Variants in NF1 observed in about 807,000 individuals in gnomAD.
NF1 encodes neurofibromin 1.
NF1 carries 122 observed loss-of-function variants against 325.7 expected under a neutral mutation model. That is an observed-to-expected ratio of 0.37 (90% CI 0.32 to 0.44). The LOEUF is 0.44. Among genes scored for constraint, NF1 ranks in the 20% least tolerant of loss-of-function variants. The probability of loss-of-function intolerance (pLI) is 1.00; values close to 1 mark genes in which losing one functional copy is unlikely to be tolerated. For synonymous variants in NF1, 1,091 were observed against 1,186.0 expected, an observed-to-expected ratio of 0.92 and a Z score of 1.65; for missense variants, 2,140 against 3,415.4, an observed-to-expected ratio of 0.63 and a Z score of 9.31.
chr17:31,329,426 T>G (rs1472368220), intron 38 of NF1, among the ~76,000 whole-genome samples: 1 of 152,198 alleles, frequency 6.6e-6, no homozygotes, highest in East Asian at 1.9e-4. Flanking sequence ...AGACTTAAAT[T>G]CCAGTGGCTT....
In NF1 at chr17:31,260,438, T is replaced by C. The variant is rs775018971; in HGVS notation, c.4500T>C (p.Ser1500=). The C allele has an allele frequency of 2.8e-5, 45 of 1,613,950 alleles. No homozygotes were observed. In the South Asian group the frequency reaches 4.7e-4, roughly 17 times the overall value. Residue 1500 remains serine (S), a synonymous_variant, in exon 34 of 58, where the codon AGT becomes AGC. Transcript: ENST00000358273. ...DAVNHSLSFI[S]DGNVLALHRL... ...TAAATCATAGTCTTTCCTTCATAAG[T>C]GACGGCAATGTGCTTGCTTTACATC...
chr17:31,234,652 CAG>C (rs1190153589), intron 27 of NF1, among the ~76,000 whole-genome samples: 1 of 111,344 alleles, frequency 9.0e-6, no homozygotes, highest in Non-Finnish European at 1.6e-5. Flanking sequence ...GCCTGGGCGA[CAG>C]AGCGAGACTC....
chr17:31,175,681 C>T (rs1343242389), intron 5 of NF1, among the ~76,000 whole-genome samples: 1 of 151,984 alleles, frequency 6.6e-6, no homozygotes, highest in Non-Finnish European at 1.5e-5. Flanking sequence ...TACCTCAGCC[C>T]CCACCCCCCG....
At chr17:31,295,684 C>G (rs2068449028) in intron 36 of NF1, 1 of 1,613,962 alleles carries the variant, frequency 6.2e-7, no homozygotes, top group Non-Finnish European at 8.5e-7. Context: ...TCTCTTGCAA[C>G]TGAAAGAGTT....
At chr17:31,182,778 T>A in intron 8 of NF1, 113 bp downstream of exon 8, 1 of 1,020,226 alleles carries the variant, frequency 9.8e-7, no homozygotes, top group Non-Finnish European at 1.5e-6. Flanking sequence ...GGGAACCATT[T>A]AAATGATCAT....
chr17:31,215,541 A>G (rs563236364), intron 13 of NF1, among the ~76,000 whole-genome samples: 1 of 152,218 alleles, frequency 6.6e-6, no homozygotes, highest in Non-Finnish European at 1.5e-5. Context: ...TGTTAGGAAA[A>G]TTGAAATAGT....
At chr17:31,217,580 C>T (rs1054065770) in intron 13 of NF1, among the ~76,000 whole-genome samples, 7 of 151,612 alleles carry the variant, frequency 4.6e-5, no homozygotes, top group African/African-American at 1.2e-4. Context: ...GCTGGGATTA[C>T]AGGCATGAGC....
chr17:31,095,507 A>G, intron 1 of NF1, 138 bp downstream of exon 1: 3 of 419,564 alleles, frequency 7.2e-6, no homozygotes, highest in Non-Finnish European at 7.8e-6. Context: ...AGAGAAGGGA[A>G]GGGGGGATAA....
intron 1 of NF1, among the ~76,000 whole-genome samples, chr17:31,109,799 T>C (rs896343631): frequency 6.6e-6 from 1 of 152,258 alleles, no homozygotes; most frequent in Non-Finnish European, 1.5e-5. Flanking sequence ...TCTTCTTTCC[T>C]CATCTTTTTG....
chr17:31,371,788 A>G (rs1448740618), intron 57 of NF1, among the ~76,000 whole-genome samples: 4 of 152,232 alleles, frequency 2.6e-5, no homozygotes, highest in African/African-American at 9.6e-5. Context: ...CATATGCCTG[A>G]TGCAGTGCAC....
chr17:31,280,400 C>G (rs900070000), intron 36 of NF1, among the ~76,000 whole-genome samples: 1 of 150,322 alleles, frequency 6.7e-6, no homozygotes, highest in Non-Finnish European at 1.5e-5. Context: ...GCCTGTAATC[C>G]CAGCTACTCA....
intron 4 of NF1, among the ~76,000 whole-genome samples, chr17:31,163,710 C>T (rs1406613748): frequency 3.3e-5 from 5 of 152,036 alleles, no homozygotes; most frequent in African/African-American, 4.8e-5. Context: ...AAATATCTGC[C>T]GTGAGCAGGC....
At chr17:31,172,656 G>A (rs573278253) in intron 5 of NF1, among the ~76,000 whole-genome samples, 1 of 152,082 alleles carries the variant, frequency 6.6e-6, no homozygotes. Flanking sequence ...AAGTCACAGA[G>A]CTAGTAATTG....
intron 36 of NF1, among the ~76,000 whole-genome samples, chr17:31,279,507 C>G (rs999828322): frequency 2.6e-5 from 4 of 151,728 alleles, no homozygotes; most frequent in Non-Finnish European, 5.9e-5. Flanking sequence ...TTTTGTAATC[C>G]TAGCTACTTG....
chr17:31,161,180 CTT>C lies in NF1; in HGVS notation c.289-2005_289-2004del, dbSNP rs17878965. Among the ~76,000 whole-genome samples, 564 of 152,304 alleles carry C rather than the reference CTT, an allele frequency of 3.7e-3. 6 individuals are homozygous for C. The highest frequency in any genetic ancestry group is 0.013 in the African/African-American group (536 of 41,562). ...TGCAATTTTGTAGAATTTGAGGAAT[CTT>C]AAGTATTTTTGTTCCTGTGAATATG... is the stretch of plus-strand genomic sequence containing the variant. On this transcript the variant is annotated intron_variant, in intron 3 of 57. Coordinates refer to ENST00000358273, the MANE Select transcript of NF1 (RefSeq NM_001042492.3).
At chr17:31,304,531 A>C in intron 36 of NF1, 1 of 1,614,190 alleles carries the variant, frequency 6.2e-7, no homozygotes, top group Non-Finnish European at 8.5e-7. Flanking sequence ...TACAATTGTC[A>C]TTGTGGGTTT....
chr17:31,230,839 T>C lies in NF1; in HGVS notation c.3114-3T>C, dbSNP rs773097190. Reference sequence around the variant, plus strand: ...TGTTTCTCTTTTCTCCACCATTCTATAGGAATAAGATGGTAGAATACCTGA... The same window carrying C: ...TGTTTCTCTTTTCTCCACCATTCTACAGGAATAAGATGGTAGAATACCTGA... On this transcript the variant is annotated splice_region_variant and splice_polypyrimidine_tract_variant and intron_variant, in intron 23 of 57. Coordinates refer to ENST00000358273, the MANE Select transcript of NF1 (RefSeq NM_001042492.3). 4 of 1,589,810 alleles carry C rather than the reference T, an allele frequency of 2.5e-6. No individual in the cohort carries two copies. Among genetic ancestry groups the C allele is most frequent in the Admixed American group, 1.7e-5 (1 of 59,798 alleles).
intron 47 of NF1, among the ~76,000 whole-genome samples, chr17:31,342,202 C>G (rs546158823): frequency 6.6e-6 from 1 of 152,236 alleles, no homozygotes; most frequent in South Asian, 2.1e-4. Flanking sequence ...TGTTTTGGGA[C>G]TAGAACCCCT....
chr17:31,263,065 AGG>A lies in NF1; in HGVS notation c.4724+1209_4724+1210del, dbSNP rs1349714467. Among the ~76,000 whole-genome samples the A allele has an allele frequency of 8.7e-4, 129 of 147,534 alleles. 1 individual carries two copies. Among genetic ancestry groups the A allele is most frequent in the African/African-American group, 2.8e-3 (111 of 39,086 alleles). ...TAGGTAGGTAGGTAGGTAGGTAGGT[AGG>A]TAGATAGATAGGTAGGTAGGTAGGT... On this transcript the variant is annotated intron_variant, in intron 35 of 57. Coordinates refer to ENST00000358273, the MANE Select transcript of NF1 (RefSeq NM_001042492.3).
Sources: gnomAD v4.1 joint callset for allele counts (sites outside exome capture counted in the v4.1 genomes callset) on GRCh38, gnomAD v4.1.1 for gene constraint, MANE v1.5 for transcripts, NCBI Gene and HGNC (gene_info 2026-07-23, HGNC 2026-07-21) for gene names.